SUSD5: variants seen among roughly 807,000 people sequenced by gnomAD.
SUSD5 encodes sushi domain containing 5.
Under a neutral mutation model 29.5 loss-of-function variants are expected in SUSD5, and 33 were observed. The ratio of observed to expected loss-of-function variants is 1.12; its 90% CI spans 0.85 to 1.49. The LOEUF (loss-of-function observed/expected upper bound fraction) is 1.49. Ranked by LOEUF, SUSD5 falls within the 40% of genes most tolerant of loss-of-function variation. SUSD5 has a pLI of 0.00. For missense variants in SUSD5, 776 were observed against 800.6 expected (o/e 0.97, Z 0.37); for synonymous variants, 308 against 325.3 (o/e 0.95, Z 0.57).
At chr3:33,188,044 G>T (rs1171130126) in intron 3 of SUSD5, among the ~76,000 whole-genome samples, 1 of 152,114 alleles carries the variant, frequency 6.6e-6, no homozygotes, top group African/African-American at 2.4e-5. Flanking sequence ...AAGAAAAGAA[G>T]ATTTTATAAA....
intron 1 of SUSD5, 27 bp downstream of exon 1, chr3:33,218,659 C>T (rs117206167): frequency 0.065 from 82,882 of 1,275,676 alleles, 3,048 homozygotes; most frequent in East Asian, 0.16. Context: ...GCTCCACCCC[C>T]CGCCCCGCCG....
chr3:33,182,353 C>A (rs762845264), intron 3 of SUSD5, among the ~76,000 whole-genome samples: 12 of 152,138 alleles, frequency 7.9e-5, no homozygotes, highest in Admixed American at 5.2e-4. Flanking sequence ...TGTGGTTGAT[C>A]CTAGCAAATG....
intron 3 of SUSD5, among the ~76,000 whole-genome samples, chr3:33,183,317 C>T (rs895153131): frequency 1.3e-5 from 2 of 152,010 alleles, no homozygotes; most frequent in Non-Finnish European, 2.9e-5. Context: ...TTTTTGTCTT[C>T]TATGTTTTTT....
At chr3:33,159,594 G>A (rs914111897) in intron 4 of SUSD5, among the ~76,000 whole-genome samples, 1 of 152,086 alleles carries the variant, frequency 6.6e-6, no homozygotes, top group Non-Finnish European at 1.5e-5. Flanking sequence ...TATGAGCAGG[G>A]TGCATTACAG....
chr3:33,192,384 C>T (rs1171017879), intron 3 of SUSD5, among the ~76,000 whole-genome samples: 1 of 151,622 alleles, frequency 6.6e-6, no homozygotes, highest in Admixed American at 6.6e-5. Context: ...TGAGCCACCC[C>T]GCCCGGCCTA....
At chr3:33,215,288 C>T (rs1482133539) in intron 1 of SUSD5, among the ~76,000 whole-genome samples, 1 of 152,046 alleles carries the variant, frequency 6.6e-6, no homozygotes, top group African/African-American at 2.4e-5. Flanking sequence ...GATGTAAGAA[C>T]CTATGTGCAC....
chr3:33,204,441 C>T lies in SUSD5; in HGVS notation c.409+3367G>A, dbSNP rs1339735234. On this transcript the variant is annotated intron_variant, in intron 3 of 4. Coordinates refer to ENST00000309558, the MANE Select transcript of SUSD5 (RefSeq NM_015551.2). The surrounding 1 kb of genome is among the most constrained non-coding windows in gnomAD (Gnocchi z 4.5). ...GTTAACACCATTCTCCTGCCTCAGC[C>T]TCCCGAGCAGCTGGGACGACAGGTG... is the stretch of plus-strand genomic sequence containing the variant. Among the ~76,000 whole-genome samples, 2 of 152,038 alleles carry T rather than the reference C, an allele frequency of 1.3e-5. No individual in the cohort carries two copies. The highest frequency in any genetic ancestry group is 2.9e-5 in the Non-Finnish European group (2 of 68,028).
At chr3:33,176,134 C>A (rs1228624549) in intron 3 of SUSD5, among the ~76,000 whole-genome samples, 1 of 152,194 alleles carries the variant, frequency 6.6e-6, no homozygotes, top group Non-Finnish European at 1.5e-5. Context: ...CACTTAGTAA[C>A]ATGCAATTAA....
chr3:33,215,346 G>A (rs550520964), intron 1 of SUSD5, among the ~76,000 whole-genome samples: 1 of 152,046 alleles, frequency 6.6e-6, no homozygotes, highest in African/African-American at 2.4e-5. Context: ...GGCACACACA[G>A]AACATTTGTA....
At chr3:33,160,671 A>T (rs4299435) in intron 4 of SUSD5, among the ~76,000 whole-genome samples, 1 of 152,270 alleles carries the variant, frequency 6.6e-6, no homozygotes, top group South Asian at 2.1e-4. Context: ...AAAATAACAG[A>T]ATGTTATGAA....
intron 3 of SUSD5, chr3:33,190,168 TG>T (rs2031862882): frequency 6.5e-6 from 1 of 153,440 alleles, no homozygotes; most frequent in African/African-American, 2.4e-5. Context: ...CATTAAATTA[TG>T]GTACACATAA....
At chr3:33,154,548 AAAC>A (rs200188939) in intron 4 of SUSD5, among the ~76,000 whole-genome samples, 1,761 of 151,302 alleles carry the variant, frequency 0.012, 44 homozygotes, top group African/African-American at 0.039. Flanking sequence ...AACAACTCAA[AAAC>A]AACAACAACA....
intron 3 of SUSD5, among the ~76,000 whole-genome samples, chr3:33,203,935 C>T (rs2125631007): frequency 6.6e-6 from 1 of 152,186 alleles, no homozygotes; most frequent in East Asian, 1.9e-4. Context: ...TTGAGAGAGA[C>T]ATAGGGACCC....
intron 1 of SUSD5, among the ~76,000 whole-genome samples, chr3:33,217,442 A>G (rs969543080): frequency 3.3e-5 from 5 of 152,246 alleles, no homozygotes; most frequent in African/African-American, 1.2e-4. Flanking sequence ...ACTTAACTGT[A>G]TATTTTAAAA....
At chr3:33,174,710 T>C (rs936633865) in intron 4 of SUSD5, among the ~76,000 whole-genome samples, 176 bp downstream of exon 4, 1 of 152,218 alleles carries the variant, frequency 6.6e-6, no homozygotes, top group African/African-American at 2.4e-5. Flanking sequence ...TTTGAAATGC[T>C]ACAGGAATCC....
At chr3:33,192,243 T>TC (rs2031907871) in intron 3 of SUSD5, among the ~76,000 whole-genome samples, 1 of 143,834 alleles carries the variant, frequency 7.0e-6, no homozygotes, top group Non-Finnish European at 1.5e-5. Flanking sequence ...CCAGCTAATT[T>TC]TTTTTCTTTT....
chr3:33,199,699 CA>C, intron 3 of SUSD5, among the ~76,000 whole-genome samples: 1 of 152,308 alleles, frequency 6.6e-6, no homozygotes, highest in African/African-American at 2.4e-5. Flanking sequence ...TGTGTCCTCC[CA>C]AAATTCATAC....
chr3:33,183,895 T>C (rs989094349), intron 3 of SUSD5, among the ~76,000 whole-genome samples: 14 of 151,136 alleles, frequency 9.3e-5, no homozygotes, highest in African/African-American at 2.9e-4. Flanking sequence ...ATGGGGTTTT[T>C]TTTCCTCTTA....
intron 4 of SUSD5, among the ~76,000 whole-genome samples, chr3:33,158,668 A>G (rs991814372): frequency 2.0e-5 from 3 of 152,242 alleles, no homozygotes; most frequent in Non-Finnish European, 4.4e-5. Context: ...AGAAGAAATT[A>G]TCTTTGTGAA....
Sources: allele counts gnomAD v4.1 joint callset (sites outside exome capture counted in the v4.1 genomes callset), GRCh38; gene constraint gnomAD v4.1.1; non-coding constraint Gnocchi (gnomAD v3.1); transcripts MANE v1.5; gene names NCBI Gene and HGNC (gene_info 2026-07-23, HGNC 2026-07-21).